PZP: variants seen among roughly 807,000 people sequenced by gnomAD.
PZP encodes PZP alpha-2-macroglobulin like.
In PZP, 150 loss-of-function variants were observed where a neutral mutation model predicts 179.8. The observed-to-expected ratio is 0.83, with a 90% CI of 0.73 to 0.96. The LOEUF (loss-of-function observed/expected upper bound fraction) is 0.96, where lower values mean the gene tolerates loss of function less well. PZP is among the 40% of genes least tolerant of loss of function. PZP has a pLI of 0.00. For synonymous variants in PZP, 624 were observed against 652.3 expected (o/e 0.96, Z 0.66); for missense variants, 1,689 against 1,764.0 (o/e 0.96, Z 0.76).
intron 29 of PZP, among the ~76,000 whole-genome samples, 167 bp downstream of exon 29, chr12:9,154,449 G>A (rs1324371419): frequency 1.3e-5 from 2 of 152,152 alleles, no homozygotes; most frequent in Non-Finnish European, 2.9e-5. Context: ...AAAGTGTTAT[G>A]GGGGATGTCT....
intron 15 of PZP, among the ~76,000 whole-genome samples, chr12:9,179,420 A>G (rs1464967684): frequency 6.6e-6 from 1 of 152,176 alleles, no homozygotes; most frequent in African/African-American, 2.4e-5. Context: ...AAATAAATAA[A>G]TCATCACGAC....
In PZP at chr12:9,157,371, G is replaced by A; in HGVS notation, c.3370-16C>T. Reference sequence around the variant, plus strand: ...CAATAGGGTTCTGTAAAGGCAAAATGTGGTTGTGTCAAACTAGGGTGAATA... The same window carrying A: ...CAATAGGGTTCTGTAAAGGCAAAATATGGTTGTGTCAAACTAGGGTGAATA... On this transcript the variant is annotated splice_polypyrimidine_tract_variant and intron_variant, in intron 27 of 35. Transcript: ENST00000261336. 1.9e-6 allele frequency: 3 copies of A among 1,604,052 alleles called. No individual in the cohort carries two copies. Among genetic ancestry groups the A allele is most frequent in the Non-Finnish European group, 2.6e-6 (3 of 1,174,220 alleles).
At chr12:9,149,665 T>C in intron 34 of PZP, 63 bp from the exon 35 acceptor site, 1 of 1,535,460 alleles carries the variant, frequency 6.5e-7, no homozygotes, top group African/African-American at 1.4e-5. Flanking sequence ...CCATGCTAAA[T>C]CTGTCTAGTC....
At chr12:9,175,339 A>G (rs1307549360) in intron 15 of PZP, among the ~76,000 whole-genome samples, 1 of 152,178 alleles carries the variant, frequency 6.6e-6, no homozygotes, top group African/African-American at 2.4e-5. Context: ...TTAAATGTGA[A>G]ACCCAAAACT....
Position 9,148,876 on chromosome 12 carries a change from T to G in PZP, c.*96A>C, listed in dbSNP as rs1940148510. ...GAAGTACATATTTATTCAGCAAATATTTTTAGTGTCTATTTTATAGAGACA... is the reference window on the plus strand; with the variant it reads ...GAAGTACATATTTATTCAGCAAATAGTTTTAGTGTCTATTTTATAGAGACA... On this transcript the variant is annotated 3_prime_UTR_variant, in exon 36 of 36. Transcript: ENST00000261336. 1 of 1,094,680 alleles carries G rather than the reference T, an allele frequency of 9.1e-7. No individual in the cohort carries two copies. Among genetic ancestry groups the G allele is most frequent in the Non-Finnish European group, 1.4e-6 (1 of 733,556 alleles). 67.8% of individuals were successfully genotyped at this position (1,094,680 alleles called of 1,614,324 possible).
At chr12:9,146,467 T>C (rs761117967), downstream of PZP, among the ~76,000 whole-genome samples, 1 of 152,194 alleles carries the variant, frequency 6.6e-6, no homozygotes, top group African/African-American at 2.4e-5. Context: ...TTTTGAATTC[T>C]CCATAAAGTA....
At chr12:9,169,706 G>A (rs1941849780) in intron 15 of PZP, 115 bp from the exon 16 acceptor site, 2 of 986,046 alleles carry the variant, frequency 2.0e-6, no homozygotes, top group East Asian at 5.8e-5. Context: ...CGTTCATGTA[G>A]TTGGTACCTT....
chr12:9,154,560 A>G (rs1187039686), intron 29 of PZP, 56 bp downstream of exon 29: 3 of 1,492,890 alleles, frequency 2.0e-6, no homozygotes, highest in Non-Finnish European at 2.8e-6. Flanking sequence ...TTCTACTTTT[A>G]AGCCTCCCAA....
At chr12:9,169,342 T>A (rs1233572363) in intron 16 of PZP, 88 bp downstream of exon 16, 1 of 1,274,592 alleles carries the variant, frequency 7.8e-7, no homozygotes, top group Non-Finnish European at 1.1e-6. Context: ...CAAGGCTACA[T>A]AATTACTAAG....
the PZP span, among the ~76,000 whole-genome samples, chr12:9,143,581 A>C: frequency 2.0e-5 from 3 of 152,112 alleles, no homozygotes; most frequent in Non-Finnish European, 4.4e-5. Context: ...GAGGGTCAGG[A>C]TCTTAGGTAG....
At chr12:9,157,452 TCAGACAGATAGG>T (rs1940846514) in intron 27 of PZP, 97 bp from the exon 28 acceptor site, 2 of 1,188,038 alleles carry the variant, frequency 1.7e-6, no homozygotes, top group Non-Finnish European at 2.4e-6. Flanking sequence ...TTAATAGATT[TCAGACAGATAGG>T]CAGACAGCTA....
chr12:9,170,865 T>G lies in PZP; in HGVS notation c.1840-1274A>C, dbSNP rs921714189. 6.6e-6 allele frequency among the ~76,000 whole-genome samples: 1 copy of G among 152,128 alleles called. No individual in the cohort carries two copies. The highest frequency in any genetic ancestry group is 2.4e-5 in the African/African-American group (1 of 41,440). On this transcript the variant is annotated intron_variant, in intron 15 of 35. Transcript: ENST00000261336. This position sits in a 1 kb window ranked among gnomAD's most constrained non-coding sequence, Gnocchi z 4.6. ...TGATCTCTCCCTGGGACCGAGCTCC[T>G]GGGGGGCAGGGGTGTCTGCCATCTC...
intron 35 of PZP, 127 bp downstream of exon 35, chr12:9,149,434 G>T: frequency 3.3e-6 from 3 of 903,052 alleles, no homozygotes; most frequent in Non-Finnish European, 5.0e-6. Flanking sequence ...GTTTTGTCTT[G>T]GTGTGAGGAC....
At chr12:9,202,930 C>T (rs916702480) in intron 2 of PZP, among the ~76,000 whole-genome samples, 1 of 152,076 alleles carries the variant, frequency 6.6e-6, no homozygotes, top group Non-Finnish European at 1.5e-5. Flanking sequence ...AAATTAGATG[C>T]CTTTTAACTG....
At chr12:9,153,828 T>A (rs1397044874) in intron 29 of PZP, among the ~76,000 whole-genome samples, 1 of 152,126 alleles carries the variant, frequency 6.6e-6, no homozygotes, top group Non-Finnish European at 1.5e-5. Flanking sequence ...AGATCCTAAC[T>A]GTTGAAAGAA....
downstream of PZP, among the ~76,000 whole-genome samples, chr12:9,146,397 G>A (rs926084638): frequency 1.1e-4 from 16 of 151,698 alleles, no homozygotes; most frequent in South Asian, 2.1e-4. Flanking sequence ...TGGTTTTGTT[G>A]AAATTCTCAC....
chr12:9,194,463 T>A (rs1047449751), intron 10 of PZP, among the ~76,000 whole-genome samples: 4 of 6,072 alleles, frequency 6.6e-4, no homozygotes, highest in South Asian at 0.013. Context: ...AGTCAGGGAG[T>A]TTTTTTTTTT....
rs778346842 is a variant in PZP at position 9,148,965 on chromosome 12, A to G, written c.*7T>C. 1.2e-6 allele frequency: 2 copies of G among 1,608,466 alleles called. No homozygotes were observed. The highest frequency in any genetic ancestry group is 1.3e-5 in the African/African-American group (1 of 74,786). On this transcript the variant is annotated 3_prime_UTR_variant, in exon 36 of 36. Transcript: ENST00000261336. ...GAATCCACCAAAATATACAGCCTGT[A>G]TGGTCCTCAAACATTTCCATGCTCT...
At chr12:9,157,411 C>T in intron 27 of PZP, 56 bp from the exon 28 acceptor site, 1 of 1,517,424 alleles carries the variant, frequency 6.6e-7, no homozygotes. Context: ...GCAGAGCAAG[C>T]TGAGAGCTGG....
Sources: allele counts gnomAD v4.1 joint callset (sites outside exome capture counted in the v4.1 genomes callset), GRCh38; gene constraint gnomAD v4.1.1; non-coding constraint Gnocchi (gnomAD v3.1); transcripts MANE v1.5; gene names NCBI Gene and HGNC (gene_info 2026-07-23, HGNC 2026-07-21).